The following APC variants were observed in gnomAD, a reference collection of about 807,000 sequenced individuals.
APC encodes APC regulator of Wnt signaling pathway.
In APC, 72 loss-of-function variants were observed where a neutral mutation model predicts 247.0. That is an observed-to-expected ratio of 0.29 (90% CI 0.24 to 0.35). The LOEUF is 0.35. Ranked by LOEUF, APC falls within the 10% of genes least tolerant of loss-of-function variation. The pLI, the probability that APC is intolerant of heterozygous loss-of-function variation, is 1.00. For synonymous variants in APC, 1,254 were observed against 1,162.5 expected (o/e 1.08, Z -1.60); for missense variants, 3,400 against 3,360.7 (o/e 1.01, Z -0.29).
intron 1 of APC, among the ~76,000 whole-genome samples, chr5:112,727,714 T>C (rs1401667256): frequency 2.0e-5 from 3 of 152,178 alleles, no homozygotes; most frequent in Non-Finnish European, 4.4e-5. Flanking sequence ...GTGCTACTCT[T>C]TCTTGAATCC....
chr5:112,739,558 A>C (rs1225659457), intron 1 of APC, among the ~76,000 whole-genome samples: 3 of 152,240 alleles, frequency 2.0e-5, no homozygotes, highest in Non-Finnish European at 4.4e-5. Flanking sequence ...CATGGATATC[A>C]GGGTTAATAG....
At chr5:112,769,042 T>C (rs1163777590) in intron 4 of APC, among the ~76,000 whole-genome samples, 2 of 137,388 alleles carry the variant, frequency 1.5e-5, no homozygotes, top group African/African-American at 5.6e-5. Context: ...ATTTTTCTTT[T>C]TTTTCTTCTT....
chr5:112,740,332 A>G (rs1006781540), intron 1 of APC, among the ~76,000 whole-genome samples: 1 of 152,170 alleles, frequency 6.6e-6, no homozygotes, highest in African/African-American at 2.4e-5. Flanking sequence ...ATAAAGAACT[A>G]AAGTTTATTT....
In APC at chr5:112,766,313, T is replaced by G. The variant is rs1340361442; in HGVS notation, c.136-13T>G. The G allele has an allele frequency of 6.5e-7, 1 of 1,532,730 alleles. No individual in the cohort carries two copies. The highest frequency in any genetic ancestry group is 1.8e-4 in the Middle Eastern group (1 of 5,662). The allele number at this position is 1,532,730 out of a possible 1,614,324, so 94.9% of individuals were successfully genotyped here. A position where few individuals can be genotyped will look rare whatever the true frequency, so the allele number is the denominator to read the frequency against. ...TAGAATTTCATGTTAATATATTGTGTTCTTTTTAACAGGAAGTACTTAAAC... is the reference window on the plus strand; with the variant it reads ...TAGAATTTCATGTTAATATATTGTGGTCTTTTTAACAGGAAGTACTTAAAC... On this transcript the variant is annotated splice_polypyrimidine_tract_variant and intron_variant, in intron 2 of 15. Coordinates refer to ENST00000257430, the MANE Select transcript of APC (RefSeq NM_000038.6).
intron 2 of APC, 197 bp downstream of exon 2, chr5:112,755,222 A>G: frequency 2.5e-6 from 1 of 403,954 alleles, no homozygotes; most frequent in Non-Finnish European, 3.3e-6. Flanking sequence ...TATAAAGAAA[A>G]TAAGTGTAAA....
At chr5:112,722,247 A>G (rs1017679861) in intron 1 of APC, among the ~76,000 whole-genome samples, 1 of 152,354 alleles carries the variant, frequency 6.6e-6, no homozygotes, top group Non-Finnish European at 1.5e-5. Flanking sequence ...TGTGAGTTAC[A>G]TAAATTTCCA....
chr5:112,833,964 T>C (rs1764583793), intron 14 of APC, among the ~76,000 whole-genome samples: 1 of 152,088 alleles, frequency 6.6e-6, no homozygotes, highest in South Asian at 2.1e-4. Flanking sequence ...CTACTTTCTT[T>C]TTTTTTTGAG....
intron 1 of APC, among the ~76,000 whole-genome samples, chr5:112,740,066 A>G (rs1414924030): frequency 6.6e-6 from 1 of 151,044 alleles, no homozygotes; most frequent in South Asian, 2.1e-4. Context: ...ATAATATATA[A>G]CAGAGGTAAT....
intron 6 of APC, among the ~76,000 whole-genome samples, chr5:112,782,261 A>G (rs1014602583): frequency 6.6e-6 from 1 of 152,160 alleles, no homozygotes; most frequent in African/African-American, 2.4e-5. Context: ...ATTATTTACT[A>G]TCACAAGAAC....
chr5:112,749,375 T>G (rs1317688463), intron 1 of APC, among the ~76,000 whole-genome samples: 2 of 152,164 alleles, frequency 1.3e-5, no homozygotes, highest in Non-Finnish European at 2.9e-5. Flanking sequence ...TTGGAATGAT[T>G]TGTTCCTTAA....
Position 112,843,680 on chromosome 5 carries a change from G to T in APC, c.8086G>T (p.Asp2696Tyr), listed in dbSNP as rs368724873. 1.2e-6 allele frequency: 2 copies of T among 1,614,032 alleles called. No individual in the cohort carries two copies. The highest frequency in any genetic ancestry group is 2.7e-5 in the African/African-American group (2 of 75,034). ...AGAAAAGGCAAATCCAAACATTAAA[G>T]ATTCAAAAGATAATCAGGCAAAACA... Reference protein sequence around the residue: ...VSEKANPNIKDSKDNQAKQNV... With the variant: ...VSEKANPNIKYSKDNQAKQNV... The change falls in exon 16 of 16, where the codon GAT (aspartate) becomes TAT (tyrosine). Residue 2696 changes from aspartate (D) to tyrosine (Y), a missense_variant. Transcript: ENST00000257430. The surrounding 1 kb of genome is among the most constrained non-coding windows in gnomAD (Gnocchi z 4.8).
chr5:112,806,120 A>ACAC (rs1205961041), intron 8 of APC, among the ~76,000 whole-genome samples: 2 of 152,166 alleles, frequency 1.3e-5, no homozygotes, highest in African/African-American at 4.8e-5. Flanking sequence ...TGCTCAGTTA[A>ACAC]CACCAGTTCA....
intron 1 of APC, among the ~76,000 whole-genome samples, chr5:112,725,589 A>G (rs1751729314): frequency 5.3e-5 from 8 of 150,458 alleles, no homozygotes; most frequent in Admixed American, 5.3e-4. Flanking sequence ...CCCCATCTCT[A>G]CAAAAACATA....
chr5:112,739,177 T>C (rs1479568742), intron 1 of APC, among the ~76,000 whole-genome samples: 1 of 152,250 alleles, frequency 6.6e-6, no homozygotes, highest in Admixed American at 6.5e-5. Flanking sequence ...CTTCTAGATG[T>C]ATTTCTGTTT....
upstream of APC, among the ~76,000 whole-genome samples, chr5:112,736,554 T>C (rs1214091994): frequency 6.6e-6 from 1 of 152,264 alleles, no homozygotes; most frequent in Non-Finnish European, 1.5e-5. Context: ...AAATATGCTA[T>C]TTAATAGCTT....
At chr5:112,749,769 G>A (rs1315757677) in intron 1 of APC, among the ~76,000 whole-genome samples, 1 of 151,860 alleles carries the variant, frequency 6.6e-6, no homozygotes, top group Non-Finnish European at 1.5e-5. Flanking sequence ...ACAGGCATGA[G>A]CCACCACGCC....
At chr5:112,814,693 C>A (rs1762319046) in intron 8 of APC, among the ~76,000 whole-genome samples, 1 of 152,170 alleles carries the variant, frequency 6.6e-6, no homozygotes, top group African/African-American at 2.4e-5. Flanking sequence ...TCTGATTGTA[C>A]CATTCTCCTG....
At chr5:112,758,635 A>AC (rs1755271151) in intron 2 of APC, among the ~76,000 whole-genome samples, 1 of 148,572 alleles carries the variant, frequency 6.7e-6, no homozygotes, top group South Asian at 2.1e-4. Context: ...CCTCCCCACA[A>AC]CTTTTTTTTA....
At chr5:112,812,914 T>G (rs1024276067) in intron 8 of APC, among the ~76,000 whole-genome samples, 1 of 152,286 alleles carries the variant, frequency 6.6e-6, no homozygotes, top group East Asian at 1.9e-4. Flanking sequence ...AAGATGAGTC[T>G]TTCCTTGATG....
Sources: gnomAD v4.1 joint callset for allele counts (sites outside exome capture counted in the v4.1 genomes callset) on GRCh38, gnomAD v4.1.1 for gene constraint, Gnocchi (gnomAD v3.1) non-coding constraint, MANE v1.5 for transcripts, NCBI Gene and HGNC (gene_info 2026-07-23, HGNC 2026-07-21) for gene names.